WAS: variants seen among roughly 807,000 people sequenced by gnomAD.
WAS encodes WASP actin nucleation promoting factor.
Under a neutral mutation model 38.9 loss-of-function variants are expected in WAS, and 1 was observed. That is an observed-to-expected ratio of 0.03 (90% CI 0.01 to 0.12). WAS has a LOEUF of 0.12. Ranked by LOEUF, WAS falls within the 10% of genes least tolerant of loss-of-function variation. WAS has a pLI of 1.00. For missense variants in WAS, 311 were observed against 431.2 expected (o/e 0.72, Z 2.47); for synonymous variants, 182 against 173.6 (o/e 1.05, Z -0.38).
rs1557006194 is a variant in WAS, at chrX:48,683,822, C to T, written c.-32C>T. ...TCCTCTTCTTACCCTGCACCCAGAG[C>T]CTCGCCAGAGAAGACAAGGGCAGAA... On this transcript the variant is annotated 5_prime_UTR_variant, in exon 1 of 12. Coordinates refer to ENST00000376701, the MANE Select transcript of WAS (RefSeq NM_000377.3). 8.3e-7 allele frequency: 1 copy of T among 1,208,515 alleles called. No homozygotes were observed. Among genetic ancestry groups the T allele is most frequent in the Non-Finnish European group, 1.1e-6 (1 of 893,486 alleles).
chrX:48,688,472 A>T lies in WAS; in HGVS notation c.931+19A>T. On this transcript the variant is annotated intron_variant, in intron 9 of 11. Transcript: ENST00000376701. The stretch of plus-strand genomic sequence containing the variant: ...CGCCAGGGTGAGACCCTGCTTCCAT[A>T]CGCTCCCTTCTCTAGCCCAAGCAGC... 1 of 1,209,976 alleles carries T rather than the reference A, an allele frequency of 8.3e-7. No homozygotes were observed. The highest frequency in any genetic ancestry group is 1.1e-6 in the Non-Finnish European group (1 of 894,772).
At chrX:48,690,441 G>T (rs1257840338) in intron 11 of WAS, among the ~76,000 whole-genome samples, 1 of 112,127 alleles carries the variant, frequency 8.9e-6, no homozygotes, top group Non-Finnish European at 1.9e-5. Flanking sequence ...GAGCCACCAG[G>T]CCTGGCTGTT....
upstream of WAS, among the ~76,000 whole-genome samples, chrX:48,681,050 TTC>T (rs1336662524): frequency 8.9e-6 from 1 of 111,771 alleles, no homozygotes; most frequent in Middle Eastern, 4.2e-3. Flanking sequence ...GAACAACAAT[TTC>T]TCTCATAATT....
At chrX:48,686,423 T>C (rs2147264560) in intron 6 of WAS, among the ~76,000 whole-genome samples, 1 of 111,949 alleles carries the variant, frequency 8.9e-6, no homozygotes, top group African/African-American at 3.2e-5. Context: ...ACTGAGTAAA[T>C]TAATCAATGA....
chrX:48,684,112 C>T (rs181677888), intron 1 of WAS, 127 bp downstream of exon 1: 24 of 1,085,171 alleles, frequency 2.2e-5, no homozygotes, highest in Non-Finnish European at 2.8e-5. Context: ...TAGAATTTCC[C>T]GTCATAATCC....
intron 9 of WAS, 43 bp from the exon 10 acceptor site, chrX:48,688,616 GA>G: frequency 8.3e-7 from 1 of 1,208,706 alleles, no homozygotes. Context: ...AGGCTCAGAA[GA>G]AATCAATGAG....
At chrX:48,684,542 C>G (rs1478433401) in intron 2 of WAS, 119 bp downstream of exon 2, 2 of 979,587 alleles carry the variant, frequency 2.0e-6, no homozygotes, top group East Asian at 6.8e-5. Context: ...TCCCTGAGCC[C>G]CAGAACCAAA....
At chrX:48,687,981 C>T (rs1557006957) in intron 7 of WAS, 73 bp from the exon 8 acceptor site, 1 of 1,094,133 alleles carries the variant, frequency 9.1e-7, no homozygotes, top group Non-Finnish European at 1.2e-6. Context: ...CAGGAGAGGG[C>T]AAGAGGGTTT....
rs1276578448 is a variant in WAS at position 48,689,581 on chromosome X, A to T, written c.1453+147A>T. 6 of 512,885 alleles carry T rather than the reference A, an allele frequency of 1.2e-5. No homozygotes were observed. The African/African-American group carries it at 1.4e-4, about 12-fold the overall frequency. The allele number at this position is 512,885 out of a possible 1,213,427, so 42.3% of individuals were successfully genotyped here. A position where few individuals can be genotyped will look rare whatever the true frequency, so the allele number is the denominator to read the frequency against. ...ATCTTGTGTCAGCCTCGTTTTTGACAATGTTAACATTAAGTCATTATGTGA... is the reference window on the plus strand; with the variant it reads ...ATCTTGTGTCAGCCTCGTTTTTGACTATGTTAACATTAAGTCATTATGTGA... On this transcript the variant is annotated intron_variant, in intron 11 of 11. Transcript: ENST00000376701.
intron 11 of WAS, among the ~76,000 whole-genome samples, chrX:48,690,473 T>A (rs1248159212): frequency 8.9e-6 from 1 of 112,473 alleles, no homozygotes; most frequent in Non-Finnish European, 1.9e-5. Flanking sequence ...TTTATAATAA[T>A]GTTACTATTA....
chrX:48,688,614 A>G, intron 9 of WAS, 46 bp from the exon 10 acceptor site: 1 of 1,208,723 alleles, frequency 8.3e-7, no homozygotes, highest in Non-Finnish European at 1.1e-6. Context: ...TGAGGCTCAG[A>G]AGAAATCAAT....
rs369127837 is a variant in WAS, at chrX:48,686,238, G to A, written c.559+104G>A. 173 of 979,824 alleles carry A rather than the reference G, an allele frequency of 1.8e-4. No individual in the cohort carries two copies. The African/African-American group carries it at 2.4e-3, about 14-fold the overall frequency. The allele number at this position is 979,824 out of a possible 1,213,427, so 80.7% of individuals were successfully genotyped here. On this transcript the variant is annotated intron_variant, in intron 6 of 11. Transcript: ENST00000376701. ...AAGTGGGTGAATGGATAGGTAGATTGATAGGTATGTGGATGGACGAGCAGG... is the reference window on the plus strand; with the variant it reads ...AAGTGGGTGAATGGATAGGTAGATTAATAGGTATGTGGATGGACGAGCAGG...
Position 48,688,717 on chromosome X carries a change from C to T in WAS, c.989C>T (p.Pro330Leu), listed in dbSNP as rs1178247738. ...GGAGGGAACCAGCTCCCCCGGCCCC[C>T]TATTGTGGGGGGTAACAAGGGTCGT... ...SRGGNQLPRP[P>L]IVGGNKGRSG... Residue 330 changes from proline (P) to leucine (L), a missense_variant, in exon 10 of 12, where the codon CCT becomes CTT. Physicochemically the swap from Pro to Leu is moderately conservative, Grantham distance 98. This residue lies in a region of WAS where 142 missense variants were observed against 157.6 expected (regional missense o/e 0.90). Transcript: ENST00000376701. 8.5e-6 allele frequency: 10 copies of T among 1,180,848 alleles called. No homozygotes were observed. Among genetic ancestry groups the T allele is most frequent in the Non-Finnish European group, 1.1e-5 (10 of 880,676 alleles).
Position 48,691,112 on chromosome X carries a change from G to C in WAS, c.1459G>C (p.Gly487Arg). ...ATCTTTCTCTTTCCCTCCAGACGAA[G>C]GGGAGGACCAGGCTGGCGATGAAGA... ...RSRAIHSSDEGEDQAGDEDED... is the reference protein window; with the variant it reads ...RSRAIHSSDEREDQAGDEDED... Residue 487 changes from glycine (G) to arginine (R), a missense_variant, in exon 12 of 12, where the codon GGG becomes CGG. This residue lies in a region of WAS where 142 missense variants were observed against 157.6 expected (regional missense o/e 0.90). Coordinates refer to ENST00000376701, the MANE Select transcript of WAS (RefSeq NM_000377.3). 8.3e-7 allele frequency: 1 copy of C among 1,210,593 alleles called. No homozygotes were observed. Among genetic ancestry groups the C allele is most frequent in the Non-Finnish European group, 1.1e-6 (1 of 895,091 alleles).
chrX:48,691,315 C>A lies in WAS; in HGVS notation c.*153C>A. The A allele has an allele frequency of 1.9e-6, 1 of 514,065 alleles. No individual in the cohort carries two copies. Among genetic ancestry groups the A allele is most frequent in the Non-Finnish European group, 3.4e-6 (1 of 295,154 alleles). The allele number at this position is 514,065 out of a possible 1,213,427, so 42.4% of individuals were successfully genotyped here. A position where few individuals can be genotyped will look rare whatever the true frequency, so the allele number is the denominator to read the frequency against. ...TCCAATGCTGTTATCCCTGCCTGGT[C>A]CTCACACTCACCCAACAATCCCAAG... On this transcript the variant is annotated 3_prime_UTR_variant, in exon 12 of 12. Transcript: ENST00000376701.
chrX:48,686,256 C>T lies in WAS; in HGVS notation c.559+122C>T, dbSNP rs782334266. On this transcript the variant is annotated intron_variant, in intron 6 of 11. Coordinates refer to ENST00000376701, the MANE Select transcript of WAS (RefSeq NM_000377.3). Reference sequence around the variant, plus strand: ...GTAGATTGATAGGTATGTGGATGGACGAGCAGGTGCATGGATGTGTGGACT... The same window carrying T: ...GTAGATTGATAGGTATGTGGATGGATGAGCAGGTGCATGGATGTGTGGACT... 10 of 854,116 alleles carry T rather than the reference C, an allele frequency of 1.2e-5. No homozygotes were observed. The East Asian group carries it at 1.3e-4, about 11-fold the overall frequency. 70.4% of individuals were successfully genotyped at this position (854,116 alleles called of 1,213,427 possible). A position where few individuals can be genotyped will look rare whatever the true frequency, so the allele number is the denominator to read the frequency against.
At chrX:48,683,705 C>T, upstream of WAS, 1 of 872,044 alleles carries the variant, frequency 1.1e-6, no homozygotes, top group Non-Finnish European at 1.6e-6. Flanking sequence ...AACGAGGAGG[C>T]CAGGCCCACC....
At chrX:48,687,220 A>G (rs2062423065) in intron 7 of WAS, among the ~76,000 whole-genome samples, 1 of 111,643 alleles carries the variant, frequency 9.0e-6, no homozygotes, top group Admixed American at 9.4e-5. Context: ...ACTCACTTAA[A>G]TTTTGCACCC....
chrX:48,688,755 C>A lies in WAS; in HGVS notation c.1027C>A (p.Pro343Thr). Residue 343 changes from proline (P) to threonine (T), a missense_variant, in exon 10 of 12, where the codon CCC becomes ACC. Around this residue, in one of 4 missense-constraint regions of WAS, gnomAD observed 142 missense variants for 157.6 expected, o/e 0.90. Coordinates refer to ENST00000376701, the MANE Select transcript of WAS (RefSeq NM_000377.3). The part of the protein sequence containing the change: ...GGNKGRSGPL[P>T]PVPLGIAPPP... ...TAACAAGGGTCGTTCTGGTCCACTG[C>A]CCCCTGTACCTTTGGGGATTGCCCC... 8.6e-7 allele frequency: 1 copy of A among 1,160,489 alleles called. No individual in the cohort carries two copies. Among genetic ancestry groups the A allele is most frequent in the South Asian group, 2.0e-5 (1 of 49,587 alleles).
Sources: allele counts gnomAD v4.1 joint callset (sites outside exome capture counted in the v4.1 genomes callset), GRCh38; gene constraint gnomAD v4.1.1; regional missense constraint gnomAD v4.1.1; transcripts MANE v1.5; gene names NCBI Gene and HGNC (gene_info 2026-07-23, HGNC 2026-07-21).